The following SNX29 variants were observed in gnomAD, a reference collection of about 807,000 sequenced individuals.
SNX29 encodes sorting nexin 29.
A neutral mutation model predicts 102.1 loss-of-function variants in SNX29; 78 were observed. That is an observed-to-expected ratio of 0.76 (90% CI 0.64 to 0.92). SNX29 has a LOEUF of 0.92. Ranked by LOEUF, SNX29 falls within the 40% of genes least tolerant of loss-of-function variation. The pLI is 0.00. For synonymous variants in SNX29, 580 were observed against 414.5 expected (o/e 1.40, Z -4.85); for missense variants, 1,280 against 1,061.7 (o/e 1.21, Z -2.86).
At chr16:12,551,269 A>T (rs1466772923) in intron 20 of SNX29, among the ~76,000 whole-genome samples, 3 of 152,172 alleles carry the variant, frequency 2.0e-5, no homozygotes, top group African/African-American at 4.8e-5. Context: ...GGAGGTTCAG[A>T]CACCGTCAAA....
chr16:12,524,794 T>G lies in SNX29; in HGVS notation c.2271T>G (p.Ala757=). The G allele has an allele frequency of 6.2e-7, 1 of 1,613,768 alleles. No homozygotes were observed. Among genetic ancestry groups the G allele is most frequent in the South Asian group, 1.1e-5 (1 of 91,062 alleles). The part of the protein sequence containing the change: ...NKVIQMVPEF[A]ASPKKETLIQ... ...TCATCCAGATGGTCCCCGAGTTCGC[T>G]GCCAGCCCCAAGAAGGAGACCCTCA... The change falls in exon 20 of 21, where the codon GCT becomes GCG. Residue 757 remains alanine (A), a synonymous_variant. Transcript: ENST00000566228.
chr16:12,318,406 T>G (rs995974801), intron 15 of SNX29, among the ~76,000 whole-genome samples: 1 of 152,206 alleles, frequency 6.6e-6, no homozygotes, highest in African/African-American at 2.4e-5. Flanking sequence ...TAGAGAGTGT[T>G]GGCTTTCTGC....
At chr16:12,026,417 A>G (rs188919063) in intron 3 of SNX29, among the ~76,000 whole-genome samples, 1 of 152,328 alleles carries the variant, frequency 6.6e-6, no homozygotes, top group Admixed American at 6.5e-5. Context: ...CAGAGCCTAG[A>G]ACAGTGCCTG....
At chr16:12,384,790 T>A (rs1244181405) in intron 16 of SNX29, among the ~76,000 whole-genome samples, 1 of 152,226 alleles carries the variant, frequency 6.6e-6, no homozygotes, top group Non-Finnish European at 1.5e-5. Context: ...TTAGAAAGTC[T>A]GCATGACCCA....
At chr16:11,992,255 C>T (rs1398352935) in intron 1 of SNX29, among the ~76,000 whole-genome samples, 1 of 152,050 alleles carries the variant, frequency 6.6e-6, no homozygotes, top group Non-Finnish European at 1.5e-5. Flanking sequence ...GATCATGCCA[C>T]TGTACTTCAG....
intron 20 of SNX29, among the ~76,000 whole-genome samples, chr16:12,531,593 G>A (rs1055260407): frequency 1.3e-5 from 2 of 152,196 alleles, no homozygotes; most frequent in African/African-American, 2.4e-5. Context: ...GGATGAGGAC[G>A]GTGAGAGTTG....
chr16:12,548,066 TC>T (rs199748077), intron 20 of SNX29, among the ~76,000 whole-genome samples: 2 of 151,558 alleles, frequency 1.3e-5, no homozygotes, highest in Non-Finnish European at 2.9e-5. Flanking sequence ...ACACACACGG[TC>T]AGGCATGACA....
At chr16:12,489,365 C>A (rs995843265) in intron 19 of SNX29, among the ~76,000 whole-genome samples, 1 of 152,180 alleles carries the variant, frequency 6.6e-6, no homozygotes. Context: ...TTCACAACCC[C>A]AGGCTGGAGG....
intron 15 of SNX29, among the ~76,000 whole-genome samples, chr16:12,324,456 T>G (rs376135711): frequency 6.6e-6 from 1 of 151,982 alleles, no homozygotes; most frequent in African/African-American, 2.4e-5. Flanking sequence ...TGTTTGTTTG[T>G]GGAGATGGAG....
intron 15 of SNX29, among the ~76,000 whole-genome samples, chr16:12,346,536 C>T (rs1287109738): frequency 2.0e-5 from 3 of 152,078 alleles, no homozygotes; most frequent in African/African-American, 7.2e-5. Context: ...CTGCCTCTGG[C>T]GTTCGCACCA....
Position 12,207,957 on chromosome 16 carries a change from A to T in SNX29, c.1678+8274A>T, listed in dbSNP as rs114790906. 1.7e-3 allele frequency among the ~76,000 whole-genome samples: 263 copies of T among 152,272 alleles called. 1 individual carries two copies. The highest frequency in any genetic ancestry group is 6.1e-3 in the African/African-American group (253 of 41,548). Reference sequence around the variant, plus strand: ...TTTTCTTCTTTTATTAATCAAGTACACAACAGGTGCTTAATAAAAATTTGT... The same window carrying T: ...TTTTCTTCTTTTATTAATCAAGTACTCAACAGGTGCTTAATAAAAATTTGT... On this transcript the variant is annotated intron_variant, in intron 14 of 20. Coordinates refer to ENST00000566228, the MANE Select transcript of SNX29 (RefSeq NM_032167.5).
intron 11 of SNX29, among the ~76,000 whole-genome samples, chr16:12,084,258 G>A (rs949307037): frequency 6.6e-6 from 1 of 151,694 alleles, no homozygotes; most frequent in Non-Finnish European, 1.5e-5. Flanking sequence ...CTATTCTCCT[G>A]CCTCAGCCTC....
chr16:12,078,413 T>G (rs2051691439), intron 10 of SNX29, among the ~76,000 whole-genome samples: 1 of 151,940 alleles, frequency 6.6e-6, no homozygotes, highest in Admixed American at 6.6e-5. Context: ...AGGTGGAGGT[T>G]ACAGTGAGCC....
intron 16 of SNX29, among the ~76,000 whole-genome samples, chr16:12,370,988 C>G (rs774342957): frequency 3.3e-5 from 5 of 152,354 alleles, no homozygotes; most frequent in Admixed American, 6.5e-5. Flanking sequence ...TACCTACACC[C>G]CAGTGTTCTT....
At chr16:12,090,142 CTT>C (rs1393815878) in intron 11 of SNX29, 1 of 155,062 alleles carries the variant, frequency 6.4e-6, no homozygotes, top group African/African-American at 2.4e-5. Context: ...CTAGATTTCT[CTT>C]TCTTTTTTCC....
intron 14 of SNX29, 137 bp from the exon 15 acceptor site, chr16:12,277,796 A>T: frequency 1.5e-6 from 1 of 650,758 alleles, no homozygotes; most frequent in Non-Finnish European, 2.7e-6. Context: ...AGTAGTTAGT[A>T]AGTGTGTGTG....
chr16:12,131,102 A>G (rs1307867851), intron 13 of SNX29, among the ~76,000 whole-genome samples: 1 of 152,150 alleles, frequency 6.6e-6, no homozygotes. Context: ...TGTGAGCCGC[A>G]TGTTCTGCAG....
intron 1 of SNX29, 87 bp from the exon 2 acceptor site, chr16:11,999,210 T>C: frequency 2.5e-6 from 3 of 1,217,920 alleles, no homozygotes; most frequent in Non-Finnish European, 3.6e-6. Flanking sequence ...CTGATTTTGT[T>C]AAAGATCAGT....
chr16:12,395,523 T>C (rs1227542719), intron 16 of SNX29, among the ~76,000 whole-genome samples: 2 of 152,230 alleles, frequency 1.3e-5, no homozygotes, highest in Non-Finnish European at 2.9e-5. Flanking sequence ...TTGCCTTTCC[T>C]TGCACCTGAA....
Sources: allele counts gnomAD v4.1 joint callset (sites outside exome capture counted in the v4.1 genomes callset), GRCh38; gene constraint gnomAD v4.1.1; transcripts MANE v1.5; gene names NCBI Gene and HGNC (gene_info 2026-07-23, HGNC 2026-07-21).